IMMP2L: variants seen among roughly 807,000 people sequenced by gnomAD.
The protein encoded by IMMP2L is inner mitochondrial membrane peptidase subunit 2.
A neutral mutation model predicts 19.3 loss-of-function variants in IMMP2L; 18 were observed. The observed-to-expected ratio is 0.93, with a 90% confidence interval of 0.64 to 1.38. The LOEUF is 1.38. IMMP2L is among the 40% of genes most tolerant of loss of function. The probability of loss-of-function intolerance (pLI) is 0.00; values close to 1 mark genes in which losing one functional copy is unlikely to be tolerated. For synonymous variants in IMMP2L, 76 were observed against 73.0 expected (o/e 1.04, Z -0.21); for missense variants, 233 against 218.2 (o/e 1.07, Z -0.43).
chr7:111,342,199 T>C (rs373840896), intron 3 of IMMP2L, among the ~76,000 whole-genome samples: 73 of 152,310 alleles, frequency 4.8e-4, no homozygotes, highest in African/African-American at 1.6e-3. Flanking sequence ...ATTTGACTTA[T>C]AGAAAACTTC....
At chr7:110,869,733 GA>G (rs765410770) in intron 5 of IMMP2L, among the ~76,000 whole-genome samples, 2 of 152,062 alleles carry the variant, frequency 1.3e-5, no homozygotes, top group African/African-American at 2.4e-5. Context: ...TAATACACAT[GA>G]AAATTTGGGA....
intron 3 of IMMP2L, among the ~76,000 whole-genome samples, chr7:110,991,388 G>A (rs557611814): frequency 6.6e-6 from 1 of 152,184 alleles, no homozygotes; most frequent in South Asian, 2.1e-4. Flanking sequence ...AAAATAATTA[G>A]AATTTATTAT....
At chr7:111,161,785 T>G (rs2129606994) in intron 3 of IMMP2L, among the ~76,000 whole-genome samples, 1 of 152,102 alleles carries the variant, frequency 6.6e-6, no homozygotes, top group African/African-American at 2.4e-5. Flanking sequence ...ATCTACAAGG[T>G]TTTTGATCCT....
intron 5 of IMMP2L, among the ~76,000 whole-genome samples, chr7:110,800,396 G>A (rs1405053501): frequency 6.6e-6 from 1 of 151,846 alleles, no homozygotes; most frequent in Non-Finnish European, 1.5e-5. Flanking sequence ...TAATTTTCAG[G>A]GTTTTCCATG....
intron 3 of IMMP2L, among the ~76,000 whole-genome samples, chr7:111,396,859 C>T (rs1048803790): frequency 4.6e-5 from 7 of 151,790 alleles, no homozygotes; most frequent in South Asian, 2.1e-4. Context: ...CCGAGGAGGG[C>T]GGATCACAAG....
intron 5 of IMMP2L, among the ~76,000 whole-genome samples, chr7:110,689,694 C>G (rs1306202731): frequency 6.6e-6 from 1 of 152,108 alleles, no homozygotes; most frequent in Non-Finnish European, 1.5e-5. Context: ...TTATGCTTGT[C>G]TTATCTGCTG....
intron 3 of IMMP2L, among the ~76,000 whole-genome samples, chr7:111,064,053 T>C (rs1287499279): frequency 2.0e-5 from 3 of 152,272 alleles, no homozygotes; most frequent in African/African-American, 7.2e-5. Context: ...TCAGTTTCCA[T>C]GCTGCTGATG....
At chr7:110,975,680 A>T (rs1396345534) in intron 3 of IMMP2L, among the ~76,000 whole-genome samples, 1 of 152,146 alleles carries the variant, frequency 6.6e-6, no homozygotes, top group Admixed American at 6.6e-5. Context: ...TCACCTTCCA[A>T]GACAGTCTCT....
intron 3 of IMMP2L, among the ~76,000 whole-genome samples, chr7:111,217,220 T>C (rs1302050690): frequency 6.6e-6 from 1 of 151,934 alleles, no homozygotes; most frequent in Non-Finnish European, 1.5e-5. Context: ...CTGCAATCTG[T>C]AGTAATTCTT....
rs549083669 is a variant in IMMP2L at position 110,734,417 on chromosome 7, T to C, written c.409-70696A>G. Reference sequence around the variant, plus strand: ...AAGTAAGAACTTAACAGCAATGAAATAGGGTATTTGGCAGAAGAAATCTCT... The same window carrying C: ...AAGTAAGAACTTAACAGCAATGAAACAGGGTATTTGGCAGAAGAAATCTCT... On this transcript the variant is annotated intron_variant, in intron 5 of 5. Coordinates refer to ENST00000405709, the MANE Select transcript of IMMP2L (RefSeq NM_032549.4). Among the ~76,000 whole-genome samples, 90 of 152,280 alleles carry C rather than the reference T, an allele frequency of 5.9e-4. 1 individual carries two copies. The South Asian group carries it at 0.018, about 30-fold the overall frequency.
At chr7:111,106,071 T>G (rs1798516143) in intron 3 of IMMP2L, among the ~76,000 whole-genome samples, 1 of 151,936 alleles carries the variant, frequency 6.6e-6, no homozygotes, top group Non-Finnish European at 1.5e-5. Context: ...ACACATAACA[T>G]AGTCTTTTTC....
intron 4 of IMMP2L, among the ~76,000 whole-genome samples, chr7:110,906,929 A>G (rs1812519402): frequency 2.0e-5 from 3 of 152,068 alleles, no homozygotes; most frequent in Admixed American, 1.3e-4. Context: ...CTCAGCCCAC[A>G]GCTCTCAACC....
chr7:111,189,612 C>G (rs1586751055), intron 3 of IMMP2L, among the ~76,000 whole-genome samples: 1 of 151,684 alleles, frequency 6.6e-6, no homozygotes, highest in Admixed American at 6.6e-5. Flanking sequence ...TCTACAAATA[C>G]TGAAGAAACT....
intron 2 of IMMP2L, among the ~76,000 whole-genome samples, chr7:111,492,019 CA>C (rs1416608086): frequency 2.0e-5 from 3 of 151,544 alleles, no homozygotes; most frequent in Non-Finnish European, 2.9e-5. Flanking sequence ...CTCATAAGAT[CA>C]AAAATCCCAA....
At chr7:111,507,223 T>C (rs1845002203) in intron 2 of IMMP2L, among the ~76,000 whole-genome samples, 1 of 152,196 alleles carries the variant, frequency 6.6e-6, no homozygotes, top group Non-Finnish European at 1.5e-5. Flanking sequence ...TTTTGCCTGC[T>C]AGATACTGGG....
At chr7:111,022,001 T>C (rs997817841) in intron 3 of IMMP2L, among the ~76,000 whole-genome samples, 3 of 152,196 alleles carry the variant, frequency 2.0e-5, no homozygotes, top group East Asian at 1.9e-4. Flanking sequence ...GTGGGAATTA[T>C]GGGTGCTACA....
chr7:110,907,862 G>T (rs1024255258), intron 4 of IMMP2L, among the ~76,000 whole-genome samples: 2 of 152,106 alleles, frequency 1.3e-5, no homozygotes, highest in East Asian at 3.9e-4. Context: ...ATTGGTGGGG[G>T]GGAAATGCTT....
intron 4 of IMMP2L, among the ~76,000 whole-genome samples, chr7:110,910,032 A>G (rs1812888230): frequency 6.6e-6 from 1 of 152,182 alleles, no homozygotes; most frequent in South Asian, 2.1e-4. Context: ...TTTTAAGTAC[A>G]GAAACTTCAG....
chr7:111,032,557 T>G (rs935092001), intron 3 of IMMP2L, among the ~76,000 whole-genome samples: 1 of 152,096 alleles, frequency 6.6e-6, no homozygotes, highest in African/African-American at 2.4e-5. Flanking sequence ...TCCAGTGGCT[T>G]ACACCTGTAA....
Sources: gnomAD v4.1 joint callset for allele counts (sites outside exome capture counted in the v4.1 genomes callset) on GRCh38, gnomAD v4.1.1 for gene constraint, MANE v1.5 for transcripts, NCBI Gene and HGNC (gene_info 2026-07-23, HGNC 2026-07-21) for gene names.